Variants in CDK14 observed in about 807,000 individuals in gnomAD.
The protein encoded by CDK14 is cyclin-dependent kinase 14.
A neutral mutation model predicts 60.7 loss-of-function variants in CDK14; 34 were observed. That is an observed-to-expected ratio of 0.56 (90% CI 0.43 to 0.75). The LOEUF is 0.75. Among genes scored for constraint, CDK14 ranks in the 30% least tolerant of loss-of-function variants. The probability of loss-of-function intolerance (pLI) is 0.00; values close to 1 mark genes in which losing one functional copy is unlikely to be tolerated. For synonymous variants in CDK14, 197 were observed against 203.7 expected, an observed-to-expected ratio of 0.97 and a Z score of 0.28; for missense variants, 482 against 564.1, an observed-to-expected ratio of 0.85 and a Z score of 1.47.
intron 8 of CDK14, among the ~76,000 whole-genome samples, chr7:90,929,872 A>G (rs187055286): frequency 8.8e-4 from 134 of 152,352 alleles, no homozygotes; most frequent in African/African-American, 3.0e-3. Context: ...AGAGTAAGCT[A>G]TCATCTAGAG....
At chr7:90,709,531 C>G in intron 2 of CDK14, 3 of 1,612,456 alleles carry the variant, frequency 1.9e-6, no homozygotes, top group South Asian at 1.1e-5. Context: ...TGTGAATTGC[C>G]TTGACAGCAT....
intron 3 of CDK14, among the ~76,000 whole-genome samples, chr7:90,744,726 G>A (rs1234605039): frequency 2.7e-5 from 3 of 109,796 alleles, no homozygotes; most frequent in East Asian, 2.6e-4. Context: ...GGGCAGAGGC[G>A]CCCCTCACCT....
chr7:90,601,591 G>C (rs2116311003), intron 1 of CDK14, among the ~76,000 whole-genome samples: 1 of 152,256 alleles, frequency 6.6e-6, no homozygotes, highest in South Asian at 2.1e-4. Flanking sequence ...GATACCTCCA[G>C]ACCCCACCTC....
chr7:90,609,856 A>G (rs549938143), intron 2 of CDK14, among the ~76,000 whole-genome samples: 4 of 152,280 alleles, frequency 2.6e-5, no homozygotes, highest in South Asian at 2.1e-4. Flanking sequence ...TACCCTGACT[A>G]TCACCATTAA....
chr7:91,058,663 A>C (rs1484136580), intron 11 of CDK14, among the ~76,000 whole-genome samples: 1 of 152,196 alleles, frequency 6.6e-6, no homozygotes, highest in Non-Finnish European at 1.5e-5. Context: ...TGAGATAATC[A>C]TGTGGTTTTT....
chr7:90,872,440 C>A (rs970675297), intron 6 of CDK14, among the ~76,000 whole-genome samples: 1 of 152,022 alleles, frequency 6.6e-6, no homozygotes, highest in Non-Finnish European at 1.5e-5. Context: ...GAATTCTGAA[C>A]CATAAGGAGA....
intron 2 of CDK14, among the ~76,000 whole-genome samples, chr7:90,671,788 C>T (rs1426049474): frequency 6.6e-6 from 1 of 152,132 alleles, no homozygotes; most frequent in Non-Finnish European, 1.5e-5. Flanking sequence ...ACTTGCATAA[C>T]AAACAAGCAG....
chr7:90,780,114 C>T (rs1309451792), intron 4 of CDK14, among the ~76,000 whole-genome samples: 1 of 152,132 alleles, frequency 6.6e-6, no homozygotes, highest in East Asian at 1.9e-4. Flanking sequence ...TGGTCAGAAT[C>T]TAACTGTTGA....
intron 10 of CDK14, among the ~76,000 whole-genome samples, chr7:91,007,509 A>C (rs1048592858): frequency 6.6e-6 from 1 of 152,222 alleles, no homozygotes; most frequent in Non-Finnish European, 1.5e-5. Flanking sequence ...ATGCATTTCC[A>C]GACAGAACAC....
At chr7:91,170,143 C>T (rs541268950) in intron 14 of CDK14, among the ~76,000 whole-genome samples, 2 of 152,150 alleles carry the variant, frequency 1.3e-5, no homozygotes, top group African/African-American at 4.8e-5. Flanking sequence ...CGAGCTGTTC[C>T]TTAGAGGTCA....
chr7:90,922,992 A>G (rs1473764261), intron 8 of CDK14, among the ~76,000 whole-genome samples: 2 of 152,088 alleles, frequency 1.3e-5, no homozygotes, highest in East Asian at 1.9e-4. Context: ...TGAAAAACCT[A>G]TATTAACACA....
At chr7:91,082,792 G>A (rs1798518775) in intron 12 of CDK14, among the ~76,000 whole-genome samples, 1 of 152,092 alleles carries the variant, frequency 6.6e-6, no homozygotes, top group Admixed American at 6.6e-5. Context: ...AATATTCGGA[G>A]GAATAACGTA....
chr7:91,179,663 C>T (rs1471687986), intron 14 of CDK14, among the ~76,000 whole-genome samples: 8 of 151,948 alleles, frequency 5.3e-5, no homozygotes, highest in Admixed American at 1.3e-4. Flanking sequence ...ATTAGCCGGG[C>T]GTGGTGGCGG....
chr7:91,006,043 A>G (rs2115780567), intron 10 of CDK14, among the ~76,000 whole-genome samples: 1 of 152,350 alleles, frequency 6.6e-6, no homozygotes, highest in Non-Finnish European at 1.5e-5. Context: ...CAACTCTGCA[A>G]CAAGATGGTG....
chr7:91,039,154 T>C (rs565621840), intron 10 of CDK14, among the ~76,000 whole-genome samples: 31 of 152,270 alleles, frequency 2.0e-4, no homozygotes, highest in African/African-American at 6.7e-4. Flanking sequence ...GTTTTAAGGC[T>C]TCATTTTCTT....
At chr7:90,612,771 C>CAAA (rs531162992) in intron 2 of CDK14, among the ~76,000 whole-genome samples, 19 of 91,688 alleles carry the variant, frequency 2.1e-4, no homozygotes, top group Non-Finnish European at 2.5e-4. Flanking sequence ...GACTCTGTCT[C>CAAA]AAAAAAAAAA....
intron 2 of CDK14, among the ~76,000 whole-genome samples, chr7:90,610,482 A>G (rs142982640): frequency 6.6e-5 from 10 of 152,166 alleles, no homozygotes; most frequent in Non-Finnish European, 1.2e-4. Flanking sequence ...TTCTTCTTTT[A>G]GTAGAAGGCT....
intron 14 of CDK14, among the ~76,000 whole-genome samples, chr7:91,123,017 C>G (rs550133925): frequency 6.6e-6 from 1 of 152,254 alleles, no homozygotes; most frequent in Admixed American, 6.5e-5. Context: ...GGAAAGCAAG[C>G]AGTATAGCTG....
chr7:90,607,798 T>G (rs1799448750), intron 2 of CDK14, among the ~76,000 whole-genome samples: 1 of 152,244 alleles, frequency 6.6e-6, no homozygotes, highest in South Asian at 2.1e-4. Context: ...CATTGTGTAT[T>G]TGGTCCCTGA....
Sources: allele counts gnomAD v4.1 joint callset (sites outside exome capture counted in the v4.1 genomes callset), GRCh38; gene constraint gnomAD v4.1.1; transcripts MANE v1.5; gene names NCBI Gene and HGNC (gene_info 2026-07-23, HGNC 2026-07-21).